Variants in MAG observed in about 807,000 individuals in gnomAD.
MAG encodes myelin associated glycoprotein.
MAG carries 30 observed loss-of-function variants against 60.7 expected under a neutral mutation model. The observed-to-expected ratio is 0.49, with a 90% CI of 0.37 to 0.67. The LOEUF is 0.67. Among genes scored for constraint, MAG ranks in the 30% least tolerant of loss-of-function variants. The probability of loss-of-function intolerance (pLI) is 0.00; values close to 1 mark genes in which losing one functional copy is unlikely to be tolerated. For synonymous variants in MAG, 384 were observed against 376.8 expected (o/e 1.02, Z -0.22); for missense variants, 795 against 851.7 (o/e 0.93, Z 0.83).
intron 5 of MAG, 133 bp from the exon 6 acceptor site, chr19:35,300,014 C>A: frequency 7.7e-7 from 1 of 1,301,480 alleles, no homozygotes; most frequent in Non-Finnish European, 1.0e-6. Flanking sequence ...GGGGGCGGAA[C>A]CAGGCAGTCC....
chr19:35,304,374 G>A (rs1038523201), intron 7 of MAG, among the ~76,000 whole-genome samples: 4 of 152,094 alleles, frequency 2.6e-5, no homozygotes, highest in African/African-American at 9.7e-5. Context: ...GCCGATGGGA[G>A]TACTTGAACA....
In MAG at chr19:35,310,066, C is replaced by T. The variant is rs756136921; in HGVS notation, c.1424C>T (p.Thr475Met). 3.7e-6 allele frequency: 6 copies of T among 1,613,458 alleles called. No homozygotes were observed. Among genetic ancestry groups the T allele is most frequent in the African/African-American group, 1.3e-5 (1 of 74,932 alleles). Residue 475 changes from threonine to methionine, a missense_variant, in exon 8 of 11, where the codon ACG becomes ATG. By Grantham distance (81) the Thr-to-Met change is moderately conservative. Coordinates refer to ENST00000392213, the MANE Select transcript of MAG (RefSeq NM_002361.4). ...GGCCTCGTGCTCACCAGCATCCTCACGCTGCGGGGGCAGGCCCAGGCCCCG... is the reference window on the plus strand; with the variant it reads ...GGCCTCGTGCTCACCAGCATCCTCATGCTGCGGGGGCAGGCCCAGGCCCCG... ...RSGLVLTSIL[T>M]LRGQAQAPPR...
chr19:35,299,864 CGGGCGGGGCGGGGTGGGGCG>C lies in MAG; in HGVS notation c.712+18_712+37del. The C allele has an allele frequency of 3.4e-6, 1 of 297,510 alleles. No homozygotes were observed. Among genetic ancestry groups the C allele is most frequent in the Non-Finnish European group, 4.2e-6 (1 of 239,854 alleles). 18.4% of individuals were successfully genotyped at this position (297,510 alleles called of 1,614,324 possible). ...TGGACGTCAAGTGTGAGCCTGGGTGCGGGCGGGGCGGGGTGGGGCGGGGTGGGGCGGGGTCCGGGGAGGGG... is the reference window on the plus strand; with the variant it reads ...TGGACGTCAAGTGTGAGCCTGGGTGCGGGTGGGGCGGGGTCCGGGGAGGGG... On this transcript the variant is annotated intron_variant, in intron 5 of 10. Coordinates refer to ENST00000392213, the MANE Select transcript of MAG (RefSeq NM_002361.4).
At chr19:35,312,364 CTCCTT>C in intron 10 of MAG, 1 of 1,582,936 alleles carries the variant, frequency 6.3e-7, no homozygotes, top group Non-Finnish European at 8.6e-7. Flanking sequence ...CCTCTGGGCC[CTCCTT>C]GGGCCCTGGG....
Position 35,299,646 on chromosome 19 carries a change from C to CCTGAG in MAG, c.517_521dup (p.Trp174Ter), listed in dbSNP as rs771777424. On this transcript the variant is annotated frameshift_variant, in exon 5 of 11. Coordinates refer to ENST00000392213, the MANE Select transcript of MAG (RefSeq NM_002361.4). LOFTEE classifies it high-confidence loss of function. The stretch of plus-strand genomic sequence containing the variant: ...GCCGGACAACTGCCCAGAGCTGCGC[C>CCTGAG]CTGAGCTGAGCTGGCTGGGCCACGA... 2 of 1,610,014 alleles carry CCTGAG rather than the reference C, an allele frequency of 1.2e-6. No individual in the cohort carries two copies. Among genetic ancestry groups the CCTGAG allele is most frequent in the Non-Finnish European group, 8.5e-7 (1 of 1,178,610 alleles).
At chr19:35,292,996 T>C (rs1048878108) in intron 1 of MAG, among the ~76,000 whole-genome samples, 2 of 152,298 alleles carry the variant, frequency 1.3e-5, no homozygotes, top group African/African-American at 4.8e-5. Flanking sequence ...TTATGGACTG[T>C]GGCCACACAC....
intron 7 of MAG, among the ~76,000 whole-genome samples, chr19:35,304,652 T>A (rs2066471383): frequency 6.6e-6 from 1 of 152,194 alleles, no homozygotes; most frequent in Admixed American, 6.5e-5. Flanking sequence ...GCGATTCTCC[T>A]GCCTCAGCCT....
rs149455147 is a variant in MAG, at chr19:35,308,620, G to A, written c.1232-1254G>A. Among the ~76,000 whole-genome samples, 664 of 152,234 alleles carry A rather than the reference G, an allele frequency of 4.4e-3. 4 individuals carry two copies. Among genetic ancestry groups the A allele is most frequent in the Non-Finnish European group, 7.6e-3 (518 of 68,012 alleles). ...CTATCATGAGTATGACAGATTTACC[G>A]TCCTCTGCAATTCTGAACATAAAGC... On this transcript the variant is annotated intron_variant, in intron 7 of 10. Transcript: ENST00000392213.
rs374238503 is a variant in MAG, at chr19:35,295,686, C to T, written c.120C>T (p.Ile40=). The change falls in exon 4 of 11, where the codon ATC becomes ATT. Residue 40 remains isoleucine, a synonymous_variant. Coordinates refer to ENST00000392213, the MANE Select transcript of MAG (RefSeq NM_002361.4). The surrounding 1 kb of genome is among the most constrained non-coding windows in gnomAD (Gnocchi z 5.8). ...ISAFEGTCVS[I]PCRFDFPDEL... is the part of the protein sequence containing the mutation. The stretch of plus-strand genomic sequence containing the variant: ...CCTTCGAAGGCACGTGCGTCTCCAT[C>T]CCCTGCCGCTTTGACTTCCCGGATG... The T allele has an allele frequency of 3.7e-6, 6 of 1,613,008 alleles. No individual in the cohort carries two copies. In the African/African-American group the frequency reaches 5.3e-5, roughly 14 times the overall value.
At chr19:35,292,471 G>A (rs1182632404) in intron 1 of MAG, among the ~76,000 whole-genome samples, 1 of 152,062 alleles carries the variant, frequency 6.6e-6, no homozygotes, top group Non-Finnish European at 1.5e-5. Flanking sequence ...GATTTTGCAG[G>A]AGAGGTTTCC....
chr19:35,309,239 A>T (rs1379150966), intron 7 of MAG, among the ~76,000 whole-genome samples: 2 of 152,120 alleles, frequency 1.3e-5, no homozygotes, highest in African/African-American at 2.4e-5. Context: ...AAATGAGGCC[A>T]CTTGGGATTC....
chr19:35,312,131 G>T, intron 10 of MAG, 114 bp downstream of exon 10: 5 of 1,265,092 alleles, frequency 4.0e-6, no homozygotes, highest in Non-Finnish European at 2.3e-6. Context: ...CTCACAGGAG[G>T]AGAGGAAGGA....
intron 10 of MAG, chr19:35,312,239 C>G: frequency 6.3e-7 from 1 of 1,592,358 alleles, no homozygotes; most frequent in Non-Finnish European, 8.6e-7. Context: ...GGCCCCCTCC[C>G]CTCCCTGCCT....
chr19:35,307,124 T>A lies in MAG; in HGVS notation c.1232-2750T>A, dbSNP rs528450623. 2.0e-5 allele frequency among the ~76,000 whole-genome samples: 3 copies of A among 152,398 alleles called. No individual in the cohort carries two copies. The East Asian group carries it at 5.8e-4, about 29-fold the overall frequency. ...TTGAGTGGAAGTGCTTTGAAAAAGTTTTATGTCTGTCGGTTCAGGTTCGCT... is the reference window on the plus strand; with the variant it reads ...TTGAGTGGAAGTGCTTTGAAAAAGTATTATGTCTGTCGGTTCAGGTTCGCT... On this transcript the variant is annotated intron_variant, in intron 7 of 10. Coordinates refer to ENST00000392213, the MANE Select transcript of MAG (RefSeq NM_002361.4).
At position 35,299,737 on chromosome 19, in the gene MAG, C is replaced by T; in HGVS notation, c.599C>T (p.Ser200Leu). 1 of 1,561,950 alleles carries T rather than the reference C, an allele frequency of 6.4e-7. No individual in the cohort carries two copies. The highest frequency in any genetic ancestry group is 1.2e-5 in the South Asian group (1 of 85,472). The stretch of plus-strand genomic sequence containing the variant: ...GACGAGGGCACCTGGGTGCAGGTGT[C>T]ACTGCTGCACTTCGTGCCCACGAGG... The part of the protein sequence containing the change: ...REDEGTWVQV[S>L]LLHFVPTREA... The change falls in exon 5 of 11, where the codon TCA (serine) becomes TTA (leucine). Residue 200 changes from serine to leucine, a missense_variant. Ser to Leu is a moderately radical substitution (Grantham distance 145, BLOSUM62 -2). Transcript: ENST00000392213.
intron 4 of MAG, among the ~76,000 whole-genome samples, chr19:35,296,546 G>A (rs944252842): frequency 1.3e-5 from 2 of 152,154 alleles, no homozygotes; most frequent in African/African-American, 4.8e-5. Flanking sequence ...TGCTGATTCA[G>A]ATTTCTTTTT....
Position 35,300,177 on chromosome 19 carries a change from C to G in MAG, c.743C>G (p.Ser248Trp), listed in dbSNP as rs1434220762. 1 of 1,557,276 alleles carries G rather than the reference C, an allele frequency of 6.4e-7. No homozygotes were observed. Among genetic ancestry groups the G allele is most frequent in the Non-Finnish European group, 8.7e-7 (1 of 1,147,124 alleles). The stretch of plus-strand genomic sequence containing the variant: ...CCGGTGATTGTGGAGATGAACTCCT[C>G]GGTGGAGGCCATCGAGGGCTCCCAC... ...YPPVIVEMNS[S>W]VEAIEGSHVS... Residue 248 changes from serine to tryptophan, a missense_variant, in exon 6 of 11, where the codon TCG becomes TGG. By Grantham distance (177) the Ser-to-Trp change is radical. Transcript: ENST00000392213.
At position 35,311,175 on chromosome 19, in the gene MAG, T is replaced by A. The variant is rs187607934; in HGVS notation, c.1616+532T>A. On this transcript the variant is annotated intron_variant, in intron 9 of 10. Coordinates refer to ENST00000392213, the MANE Select transcript of MAG (RefSeq NM_002361.4). ...AGCAAGACCACATCTCTAAAAAAAA[T>A]TTTTTTTTAATTAGCCAGGCATGGT... Among the ~76,000 whole-genome samples, 231 of 151,600 alleles carry A rather than the reference T, an allele frequency of 1.5e-3. 4 individuals are homozygous for A. The East Asian group carries it at 0.031, about 20-fold the overall frequency.
intron 5 of MAG, 91 bp downstream of exon 5, chr19:35,299,941 CGGGCCGTGATGGGGGCG>C: frequency 1.2e-6 from 1 of 820,874 alleles, no homozygotes; most frequent in African/African-American, 2.4e-5. Flanking sequence ...GAGGCGGGGC[CGGGCCGTGATGGGGGCG>C]GGGCCATGCC....
Sources: allele counts gnomAD v4.1 joint callset (sites outside exome capture counted in the v4.1 genomes callset), GRCh38; gene constraint gnomAD v4.1.1; non-coding constraint Gnocchi (gnomAD v3.1); transcripts MANE v1.5; gene names NCBI Gene and HGNC (gene_info 2026-07-23, HGNC 2026-07-21).